The following KCNC2 variants were observed in gnomAD, a reference collection of about 807,000 sequenced individuals.
The protein encoded by KCNC2 is potassium voltage-gated channel subfamily C member 2.
A neutral mutation model predicts 44.5 loss-of-function variants in KCNC2; 21 were observed. That is an observed-to-expected ratio of 0.47 (90% CI 0.33 to 0.68). KCNC2 has a LOEUF of 0.68. Among genes scored for constraint, KCNC2 ranks in the 30% least tolerant of loss-of-function variants. The pLI is 0.01. For synonymous variants in KCNC2, 391 were observed against 339.1 expected (o/e 1.15, Z -1.68); for missense variants, 589 against 826.2 (o/e 0.71, Z 3.52).
At chr12:75,179,337 T>C (rs972080840) in intron 2 of KCNC2, among the ~76,000 whole-genome samples, 2 of 151,918 alleles carry the variant, frequency 1.3e-5, no homozygotes, top group African/African-American at 4.8e-5. Context: ...TTTTCTTTTC[T>C]TTGTTTTTCA....
intron 2 of KCNC2, among the ~76,000 whole-genome samples, chr12:75,087,094 C>T (rs1220176770): frequency 1.3e-5 from 2 of 152,000 alleles, no homozygotes; most frequent in Admixed American, 6.6e-5. Flanking sequence ...GATACATAAA[C>T]AATTAATGAT....
chr12:75,138,979 TAA>T lies in KCNC2; in HGVS notation c.687+68316_687+68317del, dbSNP rs373729570. Reference sequence around the variant, plus strand: ...CTGGGCCACAGAGCGAGACTCCGTGTAAAAAAAAAAAAAAAAAAAAAAAAAAA... The same window carrying T: ...CTGGGCCACAGAGCGAGACTCCGTGTAAAAAAAAAAAAAAAAAAAAAAAAA... On this transcript the variant is annotated intron_variant, in intron 2 of 4. Transcript: ENST00000549446. Among the ~76,000 whole-genome samples the T allele has an allele frequency of 9.5e-3, 739 of 77,794 alleles. 4 individuals are homozygous for T. The highest frequency in any genetic ancestry group is 0.037 in the African/African-American group (685 of 18,446). The allele number at this position is 77,794 out of a possible 152,430, so 51.0% of individuals were successfully genotyped here. A position where few individuals can be genotyped will look rare whatever the true frequency, so the allele number is the denominator to read the frequency against.
chr12:75,042,926 C>G lies in KCNC2; in HGVS notation c.*179G>C, dbSNP rs1463018241. 5.0e-6 allele frequency: 7 copies of G among 1,395,762 alleles called. No individual in the cohort carries two copies. In the East Asian group the frequency reaches 1.6e-4, roughly 31 times the overall value. 86.5% of individuals were successfully genotyped at this position (1,395,762 alleles called of 1,614,324 possible). On this transcript the variant is annotated 3_prime_UTR_variant, in exon 5 of 5. Coordinates refer to ENST00000549446, the MANE Select transcript of KCNC2 (RefSeq NM_139137.4). ...CACTACTTTAGACAATCTTTAAAGC[C>G]TGGGTAAGATTCATTAGCTACCCAA...
chr12:75,081,736 C>T (rs1420996147), intron 2 of KCNC2, among the ~76,000 whole-genome samples: 1 of 151,848 alleles, frequency 6.6e-6, no homozygotes, highest in African/African-American at 2.4e-5. Flanking sequence ...TTTTGTACCT[C>T]AGAAAAAAAG....
chr12:75,053,395 G>A (rs1333527481), intron 2 of KCNC2, among the ~76,000 whole-genome samples: 1 of 151,168 alleles, frequency 6.6e-6, no homozygotes, highest in South Asian at 2.1e-4. Context: ...GTGTGTGCGT[G>A]TGTGTTTGTG....
chr12:75,117,026 T>C (rs1592907593), intron 2 of KCNC2, among the ~76,000 whole-genome samples: 2 of 152,244 alleles, frequency 1.3e-5, no homozygotes, highest in East Asian at 3.9e-4. Context: ...TTCTTCTGTT[T>C]TGGGCACAGT....
intron 2 of KCNC2, among the ~76,000 whole-genome samples, chr12:75,059,827 A>G (rs925893669): frequency 6.6e-6 from 1 of 151,670 alleles, no homozygotes; most frequent in Non-Finnish European, 1.5e-5. Context: ...GGAATTCACA[A>G]TAGTCATAGA....
intron 2 of KCNC2, among the ~76,000 whole-genome samples, chr12:75,072,266 T>C (rs1883495872): frequency 6.6e-6 from 1 of 152,178 alleles, no homozygotes; most frequent in Admixed American, 6.5e-5. Context: ...GCCTTGACAG[T>C]TTTGAGCACT....
intron 2 of KCNC2, among the ~76,000 whole-genome samples, chr12:75,176,753 T>C (rs1892211767): frequency 6.6e-6 from 1 of 151,828 alleles, no homozygotes; most frequent in Non-Finnish European, 1.5e-5. Flanking sequence ...TCTTTGGAGG[T>C]GAATATAGCA....
At chr12:75,148,760 C>T (rs895053712) in intron 2 of KCNC2, among the ~76,000 whole-genome samples, 2 of 151,706 alleles carry the variant, frequency 1.3e-5, no homozygotes, top group Admixed American at 6.6e-5. Context: ...AACATTGAAA[C>T]TTTTTTGGCT....
Position 75,117,130 on chromosome 12 carries a change from T to G in KCNC2, c.688-65813A>C, listed in dbSNP as rs111331144. Among the ~76,000 whole-genome samples the G allele has an allele frequency of 1.9e-4, 29 of 152,220 alleles. No individual in the cohort carries two copies. In the South Asian group the frequency reaches 4.6e-3, roughly 24 times the overall value. ...GAAAGAGAAGACAAAAAGAAAGAAA[T>G]AACTTCCAGATTTAATTATACATTT... On this transcript the variant is annotated intron_variant, in intron 2 of 4. Transcript: ENST00000549446.
chr12:75,076,432 C>A (rs1000574834), intron 2 of KCNC2, among the ~76,000 whole-genome samples: 4 of 152,206 alleles, frequency 2.6e-5, no homozygotes, highest in African/African-American at 7.2e-5. Flanking sequence ...GCTACCACGC[C>A]CGGCTAATTT....
chr12:75,042,525 C>G lies in KCNC2; in HGVS notation c.*580G>C, dbSNP rs1049766573. ...GGAGAAAAGTGCCCTCCCTGCCCCA[C>G]AATTCAACATGCAGAACAGTCGACC... On this transcript the variant is annotated 3_prime_UTR_variant, in exon 5 of 5. Transcript: ENST00000549446. The G allele has an allele frequency of 4.0e-5, 57 of 1,423,790 alleles. No homozygotes were observed. Among genetic ancestry groups the G allele is most frequent in the Non-Finnish European group, 5.0e-5 (55 of 1,093,166 alleles). 88.2% of individuals were successfully genotyped at this position (1,423,790 alleles called of 1,614,324 possible).
At chr12:75,121,164 C>T (rs1292598454) in intron 2 of KCNC2, among the ~76,000 whole-genome samples, 1 of 152,156 alleles carries the variant, frequency 6.6e-6, no homozygotes, top group Non-Finnish European at 1.5e-5. Flanking sequence ...ATGATCAGTG[C>T]TATTGAATTC....
At chr12:75,194,776 A>G (rs2030612350) in intron 2 of KCNC2, among the ~76,000 whole-genome samples, 1 of 152,182 alleles carries the variant, frequency 6.6e-6, no homozygotes, top group Non-Finnish European at 1.5e-5. Context: ...AGGTAGTAAC[A>G]AGATTCTGAA....
At chr12:75,108,619 G>A (rs1206577780) in intron 2 of KCNC2, among the ~76,000 whole-genome samples, 1 of 152,134 alleles carries the variant, frequency 6.6e-6, no homozygotes, top group Non-Finnish European at 1.5e-5. Context: ...TTCCAAAACA[G>A]CTGTTGAATT....
At chr12:75,096,552 G>T (rs1885942223) in intron 2 of KCNC2, among the ~76,000 whole-genome samples, 1 of 151,836 alleles carries the variant, frequency 6.6e-6, no homozygotes, top group African/African-American at 2.4e-5. Context: ...TTATTCAAAG[G>T]ACCTATATCA....
chr12:75,131,434 T>C (rs1306651630), intron 2 of KCNC2, among the ~76,000 whole-genome samples: 2 of 152,082 alleles, frequency 1.3e-5, no homozygotes, highest in Non-Finnish European at 2.9e-5. Context: ...CCTCAAATAA[T>C]GTCCTCAGAC....
intron 2 of KCNC2, among the ~76,000 whole-genome samples, chr12:75,109,391 T>C (rs866389289): frequency 5.3e-5 from 8 of 152,114 alleles, no homozygotes; most frequent in African/African-American, 1.9e-4. Context: ...CCTGAAGTGA[T>C]TATTTAGACC....
Sources: allele counts gnomAD v4.1 joint callset (sites outside exome capture counted in the v4.1 genomes callset), GRCh38; gene constraint gnomAD v4.1.1; transcripts MANE v1.5; gene names NCBI Gene and HGNC (gene_info 2026-07-23, HGNC 2026-07-21).